Variants in DPP6 observed in about 807,000 individuals in gnomAD.
DPP6 encodes dipeptidyl peptidase like 6.
A neutral mutation model predicts 122.6 loss-of-function variants in DPP6; 69 were observed. That is an observed-to-expected ratio of 0.56 (90% CI 0.46 to 0.69). DPP6 has a LOEUF of 0.69. Ranked by LOEUF, DPP6 falls within the 30% of genes least tolerant of loss-of-function variation. The probability of loss-of-function intolerance (pLI) is 0.00; values close to 1 mark genes in which losing one functional copy is unlikely to be tolerated. For missense variants in DPP6, 928 were observed against 1,116.9 expected (o/e 0.83, Z 2.41); for synonymous variants, 418 against 433.1 (o/e 0.97, Z 0.43).
At chr7:153,954,062 C>G (rs893159420) in intron 1 of DPP6, among the ~76,000 whole-genome samples, 1 of 152,188 alleles carries the variant, frequency 6.6e-6, no homozygotes, top group African/African-American at 2.4e-5. Context: ...TAAATGTCAG[C>G]TAATTACAGA....
chr7:153,861,656 C>T, the DPP6 span, among the ~76,000 whole-genome samples: 1 of 152,228 alleles, frequency 6.6e-6, no homozygotes, highest in East Asian at 1.9e-4. Flanking sequence ...CAATTGGCTA[C>T]CCTATGTTTA....
At chr7:153,877,634 A>G in the DPP6 span, among the ~76,000 whole-genome samples, 1 of 152,210 alleles carries the variant, frequency 6.6e-6, no homozygotes, top group Admixed American at 6.5e-5. Flanking sequence ...GCATGATTGC[A>G]TAAAGAAAGT....
intron 1 of DPP6, among the ~76,000 whole-genome samples, chr7:154,057,218 CA>C (rs1800903924): frequency 6.6e-6 from 1 of 152,050 alleles, no homozygotes; most frequent in Non-Finnish European, 1.5e-5. Flanking sequence ...CCAGCTAGTA[CA>C]AGAAGCAAAA....
rs1817570750 is a variant in DPP6 at position 154,422,693 on chromosome 7, GTGA to G, written c.244-23520_244-23518del. Among the ~76,000 whole-genome samples, 3 of 40,576 alleles carry G rather than the reference GTGA, an allele frequency of 7.4e-5. 1 individual carries two copies. Among genetic ancestry groups the G allele is most frequent in the South Asian group, 1.9e-3 (2 of 1,026 alleles). 26.6% of individuals were successfully genotyped at this position (40,576 alleles called of 152,430 possible). ...GGGTGGATGGGTGGATGGATGGATG[GTGA>G]GTGGGTGGGTAGATGGATGGGTGAG... On this transcript the variant is annotated intron_variant, in intron 1 of 25. Transcript: ENST00000377770.
At chr7:154,124,080 A>G (rs1807706116) in intron 1 of DPP6, among the ~76,000 whole-genome samples, 1 of 150,838 alleles carries the variant, frequency 6.6e-6, no homozygotes, top group Non-Finnish European at 1.5e-5. Flanking sequence ...ACTCACTATG[A>G]TTACCTGGGG....
chr7:154,047,960 T>C (rs1490049190), upstream of DPP6, among the ~76,000 whole-genome samples: 1 of 142,912 alleles, frequency 7.0e-6, no homozygotes, highest in African/African-American at 2.7e-5. Flanking sequence ...AAACATGGGA[T>C]GAGGTTGGCA....
At chr7:154,587,815 A>G in intron 5 of DPP6, 2 of 1,612,796 alleles carry the variant, frequency 1.2e-6, no homozygotes, top group Non-Finnish European at 1.7e-6. Context: ...CTCGGCAGTC[A>G]ATGGATACAG....
At chr7:153,801,442 C>T in the DPP6 span, among the ~76,000 whole-genome samples, 1 of 152,170 alleles carries the variant, frequency 6.6e-6, no homozygotes, top group Non-Finnish European at 1.5e-5. Context: ...TTAAAGACAG[C>T]AGGTGTACAG....
intron 1 of DPP6, among the ~76,000 whole-genome samples, chr7:154,352,091 G>C (rs1810907477): frequency 6.6e-6 from 1 of 152,106 alleles, no homozygotes; most frequent in Non-Finnish European, 1.5e-5. Context: ...CTGCAGAGCT[G>C]CTTCCATAGG....
intron 1 of DPP6, among the ~76,000 whole-genome samples, chr7:154,293,363 A>G (rs1585849443): frequency 6.6e-6 from 1 of 152,230 alleles, no homozygotes; most frequent in Middle Eastern, 3.4e-3. Flanking sequence ...GGATTCAGTG[A>G]TCCCCAAGTG....
chr7:154,685,710 A>G (rs1003003318), intron 7 of DPP6, among the ~76,000 whole-genome samples: 4 of 152,248 alleles, frequency 2.6e-5, no homozygotes, highest in Admixed American at 6.5e-5. Context: ...TGTTGCTTCA[A>G]AAAGGCAGCT....
At chr7:154,292,954 A>C (rs996290709) in intron 1 of DPP6, among the ~76,000 whole-genome samples, 5 of 152,208 alleles carry the variant, frequency 3.3e-5, no homozygotes, top group African/African-American at 1.2e-4. Flanking sequence ...CATAATAGAA[A>C]TCTTGGGCTT....
intron 1 of DPP6, among the ~76,000 whole-genome samples, chr7:154,291,819 T>A (rs925171140): frequency 3.9e-5 from 6 of 152,244 alleles, no homozygotes; most frequent in Admixed American, 1.3e-4. Context: ...CTGACCAGAA[T>A]GAACCTAGGC....
At chr7:153,837,179 T>C in the DPP6 span, among the ~76,000 whole-genome samples, 2 of 152,218 alleles carry the variant, frequency 1.3e-5, no homozygotes, top group Non-Finnish European at 2.9e-5. Flanking sequence ...GTGAAAACTT[T>C]TGAGGTGTTT....
chr7:154,058,139 G>T (rs1801043014), intron 1 of DPP6: 1 of 141,238 alleles, frequency 7.1e-6, no homozygotes, highest in African/African-American at 2.6e-5. Flanking sequence ...CCCCCCCCTG[G>T]CTCTTGGGAC....
At chr7:153,918,565 A>ACACACACACACACACACTCTCTCT (rs1563006095) in intron 1 of DPP6, among the ~76,000 whole-genome samples, 2 of 57,614 alleles carry the variant, frequency 3.5e-5, no homozygotes, top group Non-Finnish European at 6.4e-5. Context: ...ACACACACAC[A>ACACACACACACACACACTCTCTCT]GTCTCTCTCT....
chr7:154,333,893 G>A (rs1053592738), intron 1 of DPP6, among the ~76,000 whole-genome samples: 1 of 151,954 alleles, frequency 6.6e-6, no homozygotes, highest in African/African-American at 2.4e-5. Context: ...GGACAAAACT[G>A]GAAAAAATGA....
chr7:154,788,509 T>C (rs184359591), intron 10 of DPP6, among the ~76,000 whole-genome samples: 4 of 152,084 alleles, frequency 2.6e-5, no homozygotes, highest in African/African-American at 4.8e-5. Flanking sequence ...AAAAAACACA[T>C]TGAAATATTA....
At chr7:153,794,268 A>C in the DPP6 span, among the ~76,000 whole-genome samples, 1 of 152,354 alleles carries the variant, frequency 6.6e-6, no homozygotes, top group South Asian at 2.1e-4. Context: ...TGTACCCTGC[A>C]AAGCGACAGG....
Sources: allele counts gnomAD v4.1 joint callset (sites outside exome capture counted in the v4.1 genomes callset), GRCh38; gene constraint gnomAD v4.1.1; transcripts MANE v1.5; gene names NCBI Gene and HGNC (gene_info 2026-07-23, HGNC 2026-07-21).